MEIG1: variants seen among roughly 807,000 people sequenced by gnomAD.
MEIG1 encodes meiosis expressed gene 1 protein homolog.
In MEIG1, 12 loss-of-function variants were observed where a neutral mutation model predicts 11.3. That is an observed-to-expected ratio of 1.07 (90% CI 0.68 to 1.73). The LOEUF is 1.73. MEIG1 is among the 40% of genes most tolerant of loss of function. MEIG1 has a pLI of 0.00. For synonymous variants in MEIG1, 41 were observed against 33.2 expected (o/e 1.24, Z -0.81); for missense variants, 119 against 104.9 (o/e 1.13, Z -0.59).
At chr10:14,975,299 G>T (rs1843198400), downstream of MEIG1, among the ~76,000 whole-genome samples, 2 of 152,086 alleles carry the variant, frequency 1.3e-5, no homozygotes, top group Admixed American at 6.5e-5. Context: ...TAGTAGCCAG[G>T]AAGGGAGAGG....
intron 1 of MEIG1, among the ~76,000 whole-genome samples, chr10:14,980,017 G>A (rs2131281767): frequency 6.6e-6 from 1 of 152,054 alleles, no homozygotes; most frequent in South Asian, 2.1e-4. Flanking sequence ...TATTCTAGGG[G>A]GATGTTACTC....
chr10:14,972,592 G>T lies in MEIG1; in HGVS notation c.218G>T (p.Arg73Met), dbSNP rs774715379. The change falls in exon 3 of 3, where the codon AGG becomes ATG. Residue 73 changes from arginine to methionine, a missense_variant. Coordinates refer to ENST00000407572, the MANE Select transcript of MEIG1 (RefSeq NM_001080836.3). Reference sequence around the variant, plus strand: ...ACGTTCTATTACTACAACAAACAGAGGGAATGTGATGACAAAGAAGTCCAC... The same window carrying T: ...ACGTTCTATTACTACAACAAACAGATGGAATGTGATGACAAAGAAGTCCAC... The part of the protein sequence containing the change: ...DNTFYYYNKQ[R>M]ECDDKEVHKV... 2.5e-6 allele frequency: 4 copies of T among 1,613,392 alleles called. No individual in the cohort carries two copies. The highest frequency in any genetic ancestry group is 3.4e-6 in the Non-Finnish European group (4 of 1,179,728).
intron 2 of MEIG1, 94 bp downstream of exon 2, chr10:14,966,700 T>G: frequency 1.0e-5 from 11 of 1,093,624 alleles, no homozygotes; most frequent in Non-Finnish European, 4.0e-6. Context: ...CTGAAGGAAA[T>G]TCGACTCCAA....
chr10:14,961,765 C>A (rs1056504253), intron 1 of MEIG1, among the ~76,000 whole-genome samples: 1 of 149,738 alleles, frequency 6.7e-6, no homozygotes, highest in African/African-American at 2.5e-5. Flanking sequence ...CAGGCGTGAG[C>A]CACCGCACAT....
intron 1 of MEIG1, among the ~76,000 whole-genome samples, chr10:14,985,005 G>A (rs993818682): frequency 2.0e-5 from 3 of 152,070 alleles, no homozygotes; most frequent in African/African-American, 7.2e-5. Context: ...CACAATGCGT[G>A]TACACCCTTT....
intron 2 of MEIG1, chr10:14,970,296 G>A (rs1007549262): frequency 6.6e-6 from 1 of 152,202 alleles, no homozygotes; most frequent in East Asian, 1.9e-4. Flanking sequence ...TGAAAGTCAA[G>A]AAGAAAAGAA....
In MEIG1 at chr10:14,967,035, G is replaced by T. The variant is rs116151012; in HGVS notation, c.138+429G>T. On this transcript the variant is annotated intron_variant, in intron 2 of 2. Coordinates refer to ENST00000407572, the MANE Select transcript of MEIG1 (RefSeq NM_001080836.3). ...AGGCAATAGCCAGGACGCCCAGCCA[G>T]ACTCTCTCATCTTATTAACGGGGAG... 3.6e-3 allele frequency among the ~76,000 whole-genome samples: 553 copies of T among 152,164 alleles called. 4 individuals are homozygous for T. The highest frequency in any genetic ancestry group is 0.013 in the African/African-American group (533 of 41,540).
At chr10:14,966,385 A>G (rs1196539859) in intron 1 of MEIG1, 55 bp from the exon 2 acceptor site, 7 of 1,308,944 alleles carry the variant, frequency 5.3e-6, no homozygotes. Flanking sequence ...CTTAAAGGGA[A>G]TTTCAAAATT....
chr10:14,974,854 T>A (rs533380257), downstream of MEIG1, among the ~76,000 whole-genome samples: 8 of 152,076 alleles, frequency 5.3e-5, no homozygotes, highest in Non-Finnish European at 1.2e-4. Context: ...TTATGAGCAA[T>A]GATTTCTTAA....
chr10:14,977,916 C>T (rs936507381), intron 1 of MEIG1, among the ~76,000 whole-genome samples: 3 of 151,898 alleles, frequency 2.0e-5, no homozygotes, highest in African/African-American at 7.3e-5. Flanking sequence ...AAAGATGTTG[C>T]TGCTAATATC....
chr10:14,974,276 C>A (rs976419068), downstream of MEIG1, among the ~76,000 whole-genome samples: 47 of 152,218 alleles, frequency 3.1e-4, no homozygotes, highest in African/African-American at 1.1e-3. Context: ...TGCTTGGAGC[C>A]CTCTCCGCCT....
At chr10:14,965,955 C>T (rs772632186) in intron 1 of MEIG1, among the ~76,000 whole-genome samples, 3 of 151,646 alleles carry the variant, frequency 2.0e-5, no homozygotes, top group Non-Finnish European at 4.4e-5. Flanking sequence ...TTTATCCCCA[C>T]AAAATAGAGC....
At chr10:14,985,160 G>A (rs1301248510) in intron 1 of MEIG1, among the ~76,000 whole-genome samples, 1 of 151,952 alleles carries the variant, frequency 6.6e-6, no homozygotes, top group African/African-American at 2.4e-5. Flanking sequence ...GATAGGAGTT[G>A]TAATATTCTA....
downstream of MEIG1, among the ~76,000 whole-genome samples, chr10:14,977,351 G>A (rs1843219799): frequency 1.3e-5 from 2 of 151,832 alleles, no homozygotes; most frequent in Non-Finnish European, 2.9e-5. Context: ...TGATATTATT[G>A]AAAATATGCT....
chr10:14,982,204 G>C (rs1843272748), intron 1 of MEIG1, among the ~76,000 whole-genome samples: 1 of 152,138 alleles, frequency 6.6e-6, no homozygotes, highest in Non-Finnish European at 1.5e-5. Flanking sequence ...CAGAGACCTT[G>C]TTAACATTTG....
At chr10:14,963,686 C>T (rs1053576801) in intron 1 of MEIG1, among the ~76,000 whole-genome samples, 7 of 151,922 alleles carry the variant, frequency 4.6e-5, no homozygotes, top group Non-Finnish European at 8.8e-5. Flanking sequence ...AAAACTGGAC[C>T]GGGTGCGGTG....
At chr10:14,986,615 T>C (rs934761076) in intron 1 of MEIG1, among the ~76,000 whole-genome samples, 1 of 152,188 alleles carries the variant, frequency 6.6e-6, no homozygotes, top group Non-Finnish European at 1.5e-5. Flanking sequence ...AGATTCCTTT[T>C]GTATGTAGGT....
intron 1 of MEIG1, among the ~76,000 whole-genome samples, chr10:14,964,817 C>T (rs1843061058): frequency 1.4e-5 from 2 of 148,130 alleles, no homozygotes; most frequent in African/African-American, 5.0e-5. Flanking sequence ...GAAGGAGTTT[C>T]GCTCATGTTG....
At chr10:14,969,156 C>A (rs1564505613) in intron 2 of MEIG1, among the ~76,000 whole-genome samples, 1 of 152,200 alleles carries the variant, frequency 6.6e-6, no homozygotes, top group African/African-American at 2.4e-5. Flanking sequence ...AAGCCTCAGA[C>A]TCATAGGCGG....
Sources: gnomAD v4.1 joint callset for allele counts (sites outside exome capture counted in the v4.1 genomes callset) on GRCh38, gnomAD v4.1.1 for gene constraint, MANE v1.5 for transcripts, NCBI Gene and HGNC (gene_info 2026-07-23, HGNC 2026-07-21) for gene names.